HOOK1: variants seen among roughly 807,000 people sequenced by gnomAD.
HOOK1 encodes protein Hook homolog 1.
Under a neutral mutation model 112.8 loss-of-function variants are expected in HOOK1, and 60 were observed. That is an observed-to-expected ratio of 0.53 (90% CI 0.43 to 0.66). HOOK1 has a LOEUF of 0.66. Among genes scored for constraint, HOOK1 ranks in the 30% least tolerant of loss-of-function variants. The pLI, the probability that HOOK1 is intolerant of heterozygous loss-of-function variation, is 0.00. For synonymous variants in HOOK1, 294 were observed against 283.8 expected (o/e 1.04, Z -0.36); for missense variants, 770 against 856.0 (o/e 0.90, Z 1.25).
Position 59,847,183 on chromosome 1 carries a change from T to C in HOOK1, c.927T>C (p.Leu309=). The change falls in exon 10 of 22, where the codon CTT becomes CTC. Residue 309 remains leucine (L), a splice_region_variant and synonymous_variant. Transcript: ENST00000371208. ...CCCTGAAAGATGAAATAGATGTTCT[T>C]AGGTATGGCATGTCTTAAAAAATAT... The part of the protein sequence containing the change: ...TRALKDEIDV[L]RATSDKANKL... The C allele has an allele frequency of 6.2e-7, 1 of 1,600,284 alleles. No homozygotes were observed. Among genetic ancestry groups the C allele is most frequent in the Non-Finnish European group, 8.5e-7 (1 of 1,174,434 alleles).
intron 12 of HOOK1, among the ~76,000 whole-genome samples, chr1:59,851,232 A>G (rs2098406988): frequency 6.6e-6 from 1 of 151,654 alleles, no homozygotes; most frequent in Admixed American, 6.6e-5. Context: ...TGAGATTTTT[A>G]TAAGAACTTC....
At chr1:59,818,776 A>T (rs1454903390) in intron 1 of HOOK1, among the ~76,000 whole-genome samples, 1 of 152,196 alleles carries the variant, frequency 6.6e-6, no homozygotes, top group Non-Finnish European at 1.5e-5. Context: ...TTTTATGAAG[A>T]TCTTAAAACT....
intron 2 of HOOK1, among the ~76,000 whole-genome samples, chr1:59,826,589 T>C (rs2098390112): frequency 6.6e-6 from 1 of 152,158 alleles, no homozygotes; most frequent in Non-Finnish European, 1.5e-5. Context: ...ATACATTACA[T>C]CTAGATCCAA....
intron 19 of HOOK1, among the ~76,000 whole-genome samples, chr1:59,867,043 T>C (rs1643979017): frequency 6.6e-6 from 1 of 152,138 alleles, no homozygotes; most frequent in Admixed American, 6.5e-5. Flanking sequence ...ACCATGACAA[T>C]GAATACCACA....
intron 9 of HOOK1, among the ~76,000 whole-genome samples, chr1:59,846,573 T>TC (rs2098404020): frequency 3.3e-5 from 2 of 60,630 alleles, no homozygotes; most frequent in Admixed American, 1.7e-4. Context: ...CTTCCTTCCT[T>TC]CCTTCCTTCC....
At chr1:59,819,003 T>G (rs924435069) in intron 1 of HOOK1, among the ~76,000 whole-genome samples, 2 of 152,192 alleles carry the variant, frequency 1.3e-5, no homozygotes, top group Admixed American at 6.5e-5. Flanking sequence ...GGTAATTATT[T>G]GCCAGAACAC....
chr1:59,861,820 A>G (rs886439300), intron 15 of HOOK1, among the ~76,000 whole-genome samples: 1 of 152,178 alleles, frequency 6.6e-6, no homozygotes, highest in African/African-American at 2.4e-5. Flanking sequence ...ACCAACAGAA[A>G]TTTTAGACAT....
At chr1:59,848,200 T>G in intron 10 of HOOK1, 115 bp from the exon 11 acceptor site, 1 of 720,902 alleles carries the variant, frequency 1.4e-6, no homozygotes, top group Non-Finnish European at 2.3e-6. Flanking sequence ...CTCACTCACA[T>G]TTACTTTTCT....
chr1:59,852,212 G>C (rs1282399979), intron 12 of HOOK1, among the ~76,000 whole-genome samples: 1 of 151,678 alleles, frequency 6.6e-6, no homozygotes, highest in African/African-American at 2.4e-5. Context: ...TTTTGGGAAA[G>C]TTCATGAAAA....
At chr1:59,835,312 AT>A in intron 5 of HOOK1, 32 bp from the exon 6 acceptor site, 1 of 1,257,748 alleles carries the variant, frequency 8.0e-7, no homozygotes, top group Admixed American at 1.7e-5. Context: ...TAAAGAGTAG[AT>A]TTTTTTCAGA....
At chr1:59,822,008 T>C in intron 2 of HOOK1, 65 bp downstream of exon 2, 2 of 1,312,456 alleles carry the variant, frequency 1.5e-6, no homozygotes, top group Non-Finnish European at 2.2e-6. Flanking sequence ...GGAAGAAAAC[T>C]TGGACTTGAA....
chr1:59,832,649 TA>T (rs1472020191), intron 4 of HOOK1, among the ~76,000 whole-genome samples: 20 of 152,108 alleles, frequency 1.3e-4, no homozygotes, highest in Non-Finnish European at 2.5e-4. Context: ...AAAGTCACTT[TA>T]GATAGTACAT....
chr1:59,815,678 C>G (rs550639754), intron 1 of HOOK1, among the ~76,000 whole-genome samples: 1 of 152,010 alleles, frequency 6.6e-6, no homozygotes, highest in Non-Finnish European at 1.5e-5. Context: ...TGTTTTAGTT[C>G]CCGGACCAAT....
intron 16 of HOOK1, among the ~76,000 whole-genome samples, chr1:59,864,246 C>A (rs969152067): frequency 1.3e-5 from 2 of 151,558 alleles, no homozygotes; most frequent in Non-Finnish European, 2.9e-5. Context: ...TCATAAGAGG[C>A]CCAAAATCTT....
At chr1:59,818,941 C>T (rs2098383525) in intron 1 of HOOK1, among the ~76,000 whole-genome samples, 1 of 152,106 alleles carries the variant, frequency 6.6e-6, no homozygotes, top group Non-Finnish European at 1.5e-5. Flanking sequence ...TTAGGAACAG[C>T]ATTTCCACAT....
chr1:59,828,834 G>A lies in HOOK1; in HGVS notation c.204G>A (p.Gly68=). 1 of 1,612,666 alleles carries A rather than the reference G, an allele frequency of 6.2e-7. No homozygotes were observed. The highest frequency in any genetic ancestry group is 1.3e-5 in the African/African-American group (1 of 74,946). Residue 68 remains glycine, a synonymous_variant, in exon 3 of 22, where the codon GGG becomes GGA. Transcript: ENST00000371208. ...SWLSRIKEDV[G]DNWRIKASNV... ...TAAGCCGAATTAAAGAGGATGTTGGGGACAACTGGAGAATAAAGGTATGCA... is the reference window on the plus strand; with the variant it reads ...TAAGCCGAATTAAAGAGGATGTTGGAGACAACTGGAGAATAAAGGTATGCA...
intron 21 of HOOK1, among the ~76,000 whole-genome samples, chr1:59,872,394 T>TA (rs1191056466): frequency 6.6e-6 from 1 of 152,228 alleles, no homozygotes. Context: ...TTTGTATTTT[T>TA]AACAAATTCC....
chr1:59,858,508 C>T lies in HOOK1; in HGVS notation c.1323C>T (p.Asn441=). 1.2e-6 allele frequency: 2 copies of T among 1,606,248 alleles called. No individual in the cohort carries two copies. Among genetic ancestry groups the T allele is most frequent in the African/African-American group, 2.7e-5 (2 of 74,868 alleles). The change falls in exon 13 of 22, where the codon AAC becomes AAT. Residue 441 remains asparagine (N), a synonymous_variant. Coordinates refer to ENST00000371208, the MANE Select transcript of HOOK1 (RefSeq NM_015888.6). ...RCSQVQQDHL[N]QTDASATKSY... is the part of the protein sequence containing the mutation. Reference sequence around the variant, plus strand: ...CACAAGTACAACAGGACCACCTAAACCAAACAGGTTAATTTTGTTAGATTT... The same window carrying T: ...CACAAGTACAACAGGACCACCTAAATCAAACAGGTTAATTTTGTTAGATTT...
At chr1:59,840,948 G>A (rs1000490975) in intron 8 of HOOK1, among the ~76,000 whole-genome samples, 2 of 152,092 alleles carry the variant, frequency 1.3e-5, no homozygotes, top group Non-Finnish European at 2.9e-5. Flanking sequence ...GTCAAACCAG[G>A]CTACCTACAT....
Sources: allele counts gnomAD v4.1 joint callset (sites outside exome capture counted in the v4.1 genomes callset), GRCh38; gene constraint gnomAD v4.1.1; transcripts MANE v1.5; gene names NCBI Gene and HGNC (gene_info 2026-07-23, HGNC 2026-07-21).